CLIP3: variants seen among roughly 807,000 people sequenced by gnomAD.
The protein encoded by CLIP3 is CAP-Gly domain-containing linker protein 3.
CLIP3 carries 15 observed loss-of-function variants against 59.4 expected under a neutral mutation model. That is an observed-to-expected ratio of 0.25 (90% CI 0.17 to 0.39). CLIP3 has a LOEUF of 0.39. Ranked by LOEUF, CLIP3 falls within the 10% of genes least tolerant of loss-of-function variation. CLIP3 has a pLI of 1.00. For missense variants in CLIP3, 495 were observed against 765.7 expected, an observed-to-expected ratio of 0.65 and a Z score of 4.17; for synonymous variants, 300 against 321.6, an observed-to-expected ratio of 0.93 and a Z score of 0.72.
At position 36,026,871 on chromosome 19, in the gene CLIP3, T is replaced by C; in HGVS notation, c.400+81A>G. ...GAAGCTTCGGGTTCCAGATGGGGCC[T>C]GAGTTCTGGGTGGTTTTCAGCGTGT... On this transcript the variant is annotated intron_variant, in intron 4 of 13. Coordinates refer to ENST00000360535, the MANE Select transcript of CLIP3 (RefSeq NM_015526.3). This position sits in a 1 kb window ranked among gnomAD's most constrained non-coding sequence, Gnocchi z 6.3. The C allele has an allele frequency of 6.5e-7, 1 of 1,528,060 alleles. No individual in the cohort carries two copies. The highest frequency in any genetic ancestry group is 1.4e-5 in the African/African-American group (1 of 72,726). The allele number at this position is 1,528,060 out of a possible 1,614,324, so 94.7% of individuals were successfully genotyped here.
Position 36,018,915 on chromosome 19 carries a change from C to A in CLIP3, c.1166G>T (p.Gly389Val), listed in dbSNP as rs760804341. 3 of 1,613,448 alleles carry A rather than the reference C, an allele frequency of 1.9e-6. No individual in the cohort carries two copies. Among genetic ancestry groups the A allele is most frequent in the South Asian group, 1.1e-5 (1 of 90,994 alleles). Reference sequence around the variant, plus strand: ...TCTCTGACCTTTGTGTTCCCTGCGGCCTTTGCCGGTGACACGGGAGAAGTC... The same window carrying A: ...TCTCTGACCTTTGTGTTCCCTGCGGACTTTGCCGGTGACACGGGAGAAGTC... ...RMDFSRVTGK[G>V]RREHKGKKKT... The change falls in exon 9 of 14, where the codon GGC becomes GTC. Residue 389 changes from glycine (G) to valine (V), a missense_variant. Physicochemically the swap from Gly to Val is moderately radical, Grantham distance 109. Transcript: ENST00000360535.
intron 7 of CLIP3, among the ~76,000 whole-genome samples, chr19:36,024,172 A>G (rs541632275): frequency 6.6e-6 from 1 of 152,348 alleles, no homozygotes; most frequent in South Asian, 2.1e-4. Context: ...TCACTGTCAG[A>G]TGACGGGTTG....
chr19:36,019,187 G>A lies in CLIP3; in HGVS notation c.1038C>T (p.Ile346=), dbSNP rs1482108167. The change falls in exon 8 of 14, where the codon ATC becomes ATT. Residue 346 remains isoleucine (I), a synonymous_variant. Transcript: ENST00000360535. ...CGGACTAACCCTGCTTGGGAGGGCA[G>A]ATGAAGTACCGAACGCCCCCAACGC... ...DGSVGGVRYF[I]CPPKQGLFAS... is the part of the protein sequence containing the mutation. The A allele has an allele frequency of 3.1e-6, 5 of 1,613,884 alleles. No individual in the cohort carries two copies. The African/African-American group carries it at 4.0e-5, about 13-fold the overall frequency.
At chr19:36,022,457 C>A (rs567500912) in intron 7 of CLIP3, among the ~76,000 whole-genome samples, 1 of 152,170 alleles carries the variant, frequency 6.6e-6, no homozygotes, top group Non-Finnish European at 1.5e-5. Context: ...GAGTTCATGA[C>A]GCTGTGCTAT....
At chr19:36,031,381 C>T (rs919785690) in intron 2 of CLIP3, among the ~76,000 whole-genome samples, 2 of 152,186 alleles carry the variant, frequency 1.3e-5, no homozygotes, top group South Asian at 4.1e-4. Context: ...ATTTATTTAT[C>T]TGTTCACTTG....
At chr19:36,030,532 C>G (rs541782610) in intron 2 of CLIP3, among the ~76,000 whole-genome samples, 1 of 152,274 alleles carries the variant, frequency 6.6e-6, no homozygotes, top group South Asian at 2.1e-4. Context: ...CTTCCAAATT[C>G]CCCTCCTACA....
chr19:36,029,767 TC>T (rs1278884900), intron 2 of CLIP3, among the ~76,000 whole-genome samples: 1 of 152,162 alleles, frequency 6.6e-6, no homozygotes, highest in African/African-American at 2.4e-5. Flanking sequence ...CAGTAGGTGC[TC>T]AGTCAATCTC....
intron 2 of CLIP3, among the ~76,000 whole-genome samples, chr19:36,031,023 C>CTTTTTTTTTTTTTTTTTTTTTTTTT (rs55762943): frequency 2.5e-5 from 2 of 80,174 alleles, no homozygotes; most frequent in African/African-American, 4.5e-5. Flanking sequence ...TTTTTTTTTT[C>CTTTTTTTTTTTTTTTTTTTTTTTTT]TTTTTTTTTT....
Position 36,032,153 on chromosome 19 carries a change from A to G in CLIP3, c.166+39T>C, listed in dbSNP as rs1969282087. Reference sequence around the variant, plus strand: ...ACAGCCCACCCTCCCCGGCCACCCAACGCTCCAGGCCAGATTCCAGGGTGG... The same window carrying G: ...ACAGCCCACCCTCCCCGGCCACCCAGCGCTCCAGGCCAGATTCCAGGGTGG... On this transcript the variant is annotated intron_variant, in intron 2 of 13. Coordinates refer to ENST00000360535, the MANE Select transcript of CLIP3 (RefSeq NM_015526.3). This position sits in a 1 kb window ranked among gnomAD's most constrained non-coding sequence, Gnocchi z 4.3. The G allele has an allele frequency of 1.7e-6, 2 of 1,184,350 alleles. No individual in the cohort carries two copies. The highest frequency in any genetic ancestry group is 3.2e-5 in the African/African-American group (2 of 63,232). The allele number at this position is 1,184,350 out of a possible 1,614,324, so 73.4% of individuals were successfully genotyped here. A position where few individuals can be genotyped will look rare whatever the true frequency, so the allele number is the denominator to read the frequency against.
At chr19:36,017,087 C>G (rs1968817414) in intron 12 of CLIP3, 108 bp from the exon 13 acceptor site, 7 of 1,170,478 alleles carry the variant, frequency 6.0e-6, no homozygotes, top group Non-Finnish European at 8.8e-6. Context: ...CCAGTCCCCA[C>G]CTGGATCCTA....
chr19:36,026,724 G>T lies in CLIP3; in HGVS notation c.424C>A (p.Leu142Ile), dbSNP rs1454882625. Reference sequence around the variant, plus strand: ...CCCAGCGCCAGCAGCTGCTGCGAGAGGCGCACGGCTGCCGCGGGGTCCCCT... The same window carrying T: ...CCCAGCGCCAGCAGCTGCTGCGAGATGCGCACGGCTGCCGCGGGGTCCCCT... ...GVGDPAAAVRLSQQLLALGAD... is the reference protein window; with the variant it reads ...GVGDPAAAVRISQQLLALGAD... Residue 142 changes from leucine to isoleucine, a missense_variant, in exon 5 of 14, where the codon CTC (leucine) becomes ATC (isoleucine). Leu to Ile is a conservative substitution (Grantham distance 5, BLOSUM62 2). Around this residue, in one of 5 missense-constraint regions of CLIP3, gnomAD observed 194 missense variants for 327.8 expected, o/e 0.59. Transcript: ENST00000360535. This position sits in a 1 kb window ranked among gnomAD's most constrained non-coding sequence, Gnocchi z 6.3. 1 of 1,601,510 alleles carries T rather than the reference G, an allele frequency of 6.2e-7. No homozygotes were observed. The highest frequency in any genetic ancestry group is 1.7e-5 in the Admixed American group (1 of 59,116).
chr19:36,031,023 C>CTTTTTTTTTTTTTTTTT (rs55762943), intron 2 of CLIP3, among the ~76,000 whole-genome samples: 54 of 80,156 alleles, frequency 6.7e-4, no homozygotes, highest in East Asian at 8.7e-4. Flanking sequence ...TTTTTTTTTT[C>CTTTTTTTTTTTTTTTTT]TTTTTTTTTT....
At position 36,032,187 on chromosome 19, in the gene CLIP3, G is replaced by T; in HGVS notation, c.166+5C>A. The T allele has an allele frequency of 7.9e-7, 1 of 1,265,330 alleles. No individual in the cohort carries two copies. The highest frequency in any genetic ancestry group is 1.0e-6 in the Non-Finnish European group (1 of 994,312). 78.4% of individuals were successfully genotyped at this position (1,265,330 alleles called of 1,614,324 possible). A position where few individuals can be genotyped will look rare whatever the true frequency, so the allele number is the denominator to read the frequency against. On this transcript the variant is annotated splice_donor_5th_base_variant and intron_variant, in intron 2 of 13. Coordinates refer to ENST00000360535, the MANE Select transcript of CLIP3 (RefSeq NM_015526.3). The surrounding 1 kb of genome is among the most constrained non-coding windows in gnomAD (Gnocchi z 4.3). ...GCCAGATTCCAGGGTGGGGACAGTG[G>T]TTACCGTAGTCCTTAGGGAGGGGGG... is the stretch of plus-strand genomic sequence containing the variant.
rs1968779894 is a variant in CLIP3 at position 36,015,783 on chromosome 19, A to C, written c.*375T>G. The C allele has an allele frequency of 3.7e-6, 1 of 271,494 alleles. No individual in the cohort carries two copies. The allele number at this position is 271,494 out of a possible 1,614,324, so 16.8% of individuals were successfully genotyped here. A position where few individuals can be genotyped will look rare whatever the true frequency, so the allele number is the denominator to read the frequency against. On this transcript the variant is annotated 3_prime_UTR_variant, in exon 14 of 14. Coordinates refer to ENST00000360535, the MANE Select transcript of CLIP3 (RefSeq NM_015526.3). ...GAGGACTTAAGGGGCAGTGTTTGTTAATGGGGAGGTTTCTGATCCAGGGTT... is the reference window on the plus strand; with the variant it reads ...GAGGACTTAAGGGGCAGTGTTTGTTCATGGGGAGGTTTCTGATCCAGGGTT...
In CLIP3 at chr19:36,015,667, A is replaced by T. The variant is rs998241530; in HGVS notation, c.*491T>A. On this transcript the variant is annotated 3_prime_UTR_variant, in exon 14 of 14. Transcript: ENST00000360535. Reference sequence around the variant, plus strand: ...GCTTCAGGGTGACCATGGGGTCACGACATCTTGAGAGGACTGATGTTAAAT... The same window carrying T: ...GCTTCAGGGTGACCATGGGGTCACGTCATCTTGAGAGGACTGATGTTAAAT... The T allele has an allele frequency of 2.3e-5, 4 of 171,252 alleles. No homozygotes were observed. The highest frequency in any genetic ancestry group is 5.1e-5 in the Non-Finnish European group (4 of 78,070). 10.6% of individuals were successfully genotyped at this position (171,252 alleles called of 1,614,324 possible). A position where few individuals can be genotyped will look rare whatever the true frequency, so the allele number is the denominator to read the frequency against.
chr19:36,032,660 T>G lies in CLIP3; in HGVS notation c.-59+64A>C. On this transcript the variant is annotated intron_variant, in intron 1 of 13. Transcript: ENST00000360535. This position sits in a 1 kb window ranked among gnomAD's most constrained non-coding sequence, Gnocchi z 4.3. ...CGGCTGCCCCCTCCCCGGGTTTGTT[T>G]ATCTCGGGATTCAGGATGCTTCGCC... is the stretch of plus-strand genomic sequence containing the variant. 1 of 258,228 alleles carries G rather than the reference T, an allele frequency of 3.9e-6. No homozygotes were observed. 16.0% of individuals were successfully genotyped at this position (258,228 alleles called of 1,614,324 possible).
rs561064037 is a variant in CLIP3 at position 36,022,907 on chromosome 19, T to A, written c.918+1489A>T. Among the ~76,000 whole-genome samples, 4 of 151,914 alleles carry A rather than the reference T, an allele frequency of 2.6e-5. No individual in the cohort carries two copies. In the East Asian group the frequency reaches 7.7e-4, roughly 29 times the overall value. The stretch of plus-strand genomic sequence containing the variant: ...TCTCTCTACTAAAAATACAAATAAT[T>A]AGCCAGGCATGGTGGTGGGCACCTG... On this transcript the variant is annotated intron_variant, in intron 7 of 13. Transcript: ENST00000360535.
In CLIP3 at chr19:36,018,917, T is replaced by C. The variant is rs1192499226; in HGVS notation, c.1164A>G (p.Lys388=). 2 of 1,613,516 alleles carry C rather than the reference T, an allele frequency of 1.2e-6. No homozygotes were observed. Residue 388 remains lysine (K), a synonymous_variant, in exon 9 of 14, where the codon AAA becomes AAG. Coordinates refer to ENST00000360535, the MANE Select transcript of CLIP3 (RefSeq NM_015526.3). ...PRMDFSRVTG[K]GRREHKGKKK... ...TCTGACCTTTGTGTTCCCTGCGGCCTTTGCCGGTGACACGGGAGAAGTCCA... is the reference window on the plus strand; with the variant it reads ...TCTGACCTTTGTGTTCCCTGCGGCCCTTGCCGGTGACACGGGAGAAGTCCA...
rs1968808795 is a variant in CLIP3, at chr19:36,016,724, C to G, written c.1589+183G>C. On this transcript the variant is annotated intron_variant, in intron 13 of 13. Transcript: ENST00000360535. The surrounding 1 kb of genome is among the most constrained non-coding windows in gnomAD (Gnocchi z 4.1). ...TACCGGCCCACCCGAAAGTGGAATT[C>G]ACTAGAATTCAGTGCGGGGCCCTAC... 1 of 630,344 alleles carries G rather than the reference C, an allele frequency of 1.6e-6. No individual in the cohort carries two copies. The allele number at this position is 630,344 out of a possible 1,614,324, so 39.0% of individuals were successfully genotyped here. A position where few individuals can be genotyped will look rare whatever the true frequency, so the allele number is the denominator to read the frequency against.
Sources: allele counts gnomAD v4.1 joint callset (sites outside exome capture counted in the v4.1 genomes callset), GRCh38; gene constraint gnomAD v4.1.1; regional missense constraint gnomAD v4.1.1; non-coding constraint Gnocchi (gnomAD v3.1); transcripts MANE v1.5; gene names NCBI Gene and HGNC (gene_info 2026-07-23, HGNC 2026-07-21).